Variants in ITPR2 observed in about 807,000 individuals in gnomAD.
ITPR2 encodes inositol 1,4,5-trisphosphate receptor type 2, also known as inositol 1,4,5-trisphosphate-gated calcium channel ITPR2.
ITPR2 carries 207 observed loss-of-function variants against 317.1 expected under a neutral mutation model. That is an observed-to-expected ratio of 0.65 (90% CI 0.58 to 0.73). The LOEUF is 0.73. Among genes scored for constraint, ITPR2 ranks in the 30% least tolerant of loss-of-function variants. The pLI is 0.00. For missense variants in ITPR2, 2,613 were observed against 3,284.0 expected (o/e 0.80, Z 4.99); for synonymous variants, 1,156 against 1,149.1 (o/e 1.01, Z -0.12).
intron 2 of ITPR2, among the ~76,000 whole-genome samples, chr12:26,754,424 G>T (rs1949484818): frequency 6.6e-6 from 1 of 152,174 alleles, no homozygotes; most frequent in East Asian, 1.9e-4. Context: ...TCCACGCATG[G>T]TACATAATTA....
At chr12:26,754,362 C>G (rs1949483883) in intron 2 of ITPR2, among the ~76,000 whole-genome samples, 1 of 152,198 alleles carries the variant, frequency 6.6e-6, no homozygotes, top group South Asian at 2.1e-4. Flanking sequence ...CACCCCCTAA[C>G]TATGCTGGAA....
chr12:26,599,266 T>C lies in ITPR2; in HGVS notation c.3881A>G (p.Gln1294Arg). 1 of 1,614,130 alleles carries C rather than the reference T, an allele frequency of 6.2e-7. No homozygotes were observed. Among genetic ancestry groups the C allele is most frequent in the South Asian group, 1.1e-5 (1 of 91,078 alleles). ...LCNEISERVV[Q>R]HFVHCIETHG... ...TGTCTCAATGCAGTGCACAAAGTGTTGTACAACTCTCTCGCTAATTTCGTT... is the reference window on the plus strand; with the variant it reads ...TGTCTCAATGCAGTGCACAAAGTGTCGTACAACTCTCTCGCTAATTTCGTT... The change falls in exon 30 of 57, where the codon CAA (glutamine) becomes CGA (arginine). Residue 1294 changes from glutamine (Q) to arginine (R), a missense_variant. Physicochemically the swap from Gln to Arg is conservative, Grantham distance 43 (BLOSUM62 1). This residue lies in a region of ITPR2 where 817 missense variants were observed against 897.6 expected (regional missense o/e 0.91). Coordinates refer to ENST00000381340, the MANE Select transcript of ITPR2 (RefSeq NM_002223.4).
At chr12:26,623,607 G>A (rs1381458660) in intron 24 of ITPR2, among the ~76,000 whole-genome samples, 1 of 152,156 alleles carries the variant, frequency 6.6e-6, no homozygotes, top group African/African-American at 2.4e-5. Flanking sequence ...GGCATCCACT[G>A]GGGGTCTTGG....
chr12:26,607,998 G>A (rs2136764319), intron 26 of ITPR2, among the ~76,000 whole-genome samples: 1 of 152,278 alleles, frequency 6.6e-6, no homozygotes, highest in Admixed American at 6.5e-5. Flanking sequence ...GCGGGCACCT[G>A]TAGTCCCGGC....
intron 2 of ITPR2, among the ~76,000 whole-genome samples, chr12:26,758,985 T>C (rs944882237): frequency 6.6e-6 from 1 of 152,196 alleles, no homozygotes; most frequent in Non-Finnish European, 1.5e-5. Context: ...ACTTAAACCT[T>C]CTGGACATCA....
intron 43 of ITPR2, among the ~76,000 whole-genome samples, chr12:26,479,637 A>G (rs921031864): frequency 1.3e-5 from 2 of 152,356 alleles, no homozygotes; most frequent in East Asian, 3.9e-4. Context: ...GGTTTCATTA[A>G]CTGAAACATG....
At chr12:26,424,757 T>TTTTTG (rs954889639) in intron 49 of ITPR2, among the ~76,000 whole-genome samples, 4 of 151,520 alleles carry the variant, frequency 2.6e-5, no homozygotes, top group Non-Finnish European at 4.4e-5. Context: ...GACCAGCTAA[T>TTTTTG]TTTTGTTTTG....
In ITPR2 at chr12:26,459,597, A is replaced by T. The variant is rs529144893; in HGVS notation, c.6342+15699T>A. 3.5e-3 allele frequency among the ~76,000 whole-genome samples: 527 copies of T among 151,968 alleles called. 1 individual carries two copies. The highest frequency in any genetic ancestry group is 0.012 in the African/African-American group (502 of 41,428). Reference sequence around the variant, plus strand: ...CCTTTGGCCCCACCCTCTTTTGTGAATCTCTCTCCTCTCTTGCTTTTATAT... The same window carrying T: ...CCTTTGGCCCCACCCTCTTTTGTGATTCTCTCTCCTCTCTTGCTTTTATAT... On this transcript the variant is annotated intron_variant, in intron 45 of 56. Coordinates refer to ENST00000381340, the MANE Select transcript of ITPR2 (RefSeq NM_002223.4).
At chr12:26,557,083 T>C (rs1296056317) in intron 35 of ITPR2, among the ~76,000 whole-genome samples, 2 of 150,492 alleles carry the variant, frequency 1.3e-5, no homozygotes, top group African/African-American at 4.9e-5. Context: ...TGTCTCAAAT[T>C]GAAAAAAAAA....
intron 34 of ITPR2, among the ~76,000 whole-genome samples, chr12:26,576,699 C>T (rs1275333299): frequency 1.3e-5 from 2 of 152,154 alleles, no homozygotes; most frequent in Admixed American, 1.3e-4. Flanking sequence ...GGAGTGTATC[C>T]ATGCAAAGGA....
chr12:26,513,507 C>T (rs965609942), intron 37 of ITPR2, among the ~76,000 whole-genome samples: 10 of 151,982 alleles, frequency 6.6e-5, no homozygotes, highest in African/African-American at 2.4e-4. Context: ...CTGGGCAGCT[C>T]CAGCTGTTAC....
intron 49 of ITPR2, among the ~76,000 whole-genome samples, chr12:26,427,137 T>C (rs1474127156): frequency 6.6e-6 from 1 of 152,096 alleles, no homozygotes; most frequent in Non-Finnish European, 1.5e-5. Context: ...TGTAGGACAT[T>C]ATGTTAGAAA....
intron 21 of ITPR2, among the ~76,000 whole-genome samples, chr12:26,652,248 C>G (rs1320829953): frequency 6.6e-6 from 1 of 152,212 alleles, no homozygotes; most frequent in Non-Finnish European, 1.5e-5. Context: ...TTTCTACTTA[C>G]AGTAACTAGC....
At chr12:26,365,155 T>C (rs1231097493) in intron 55 of ITPR2, among the ~76,000 whole-genome samples, 1 of 152,184 alleles carries the variant, frequency 6.6e-6, no homozygotes, top group Non-Finnish European at 1.5e-5. Context: ...AAGGTTAAAC[T>C]GGAAACTCTA....
At chr12:26,544,348 T>A (rs1318290948) in intron 37 of ITPR2, among the ~76,000 whole-genome samples, 1 of 152,188 alleles carries the variant, frequency 6.6e-6, no homozygotes, top group Non-Finnish European at 1.5e-5. Flanking sequence ...AATTATAAGC[T>A]TTTAATAAAT....
chr12:26,772,113 G>A (rs1014502369), intron 2 of ITPR2, among the ~76,000 whole-genome samples: 3 of 151,752 alleles, frequency 2.0e-5, no homozygotes, highest in Admixed American at 1.3e-4. Flanking sequence ...TATTATACTC[G>A]AAAGAATACT....
At chr12:26,462,747 C>T (rs965931878) in intron 45 of ITPR2, among the ~76,000 whole-genome samples, 8 of 151,158 alleles carry the variant, frequency 5.3e-5, no homozygotes, top group African/African-American at 1.5e-4. Context: ...TCCCAGCTCA[C>T]GGCAACCTCC....
At chr12:26,524,090 A>G (rs1943742394) in intron 37 of ITPR2, among the ~76,000 whole-genome samples, 1 of 152,246 alleles carries the variant, frequency 6.6e-6, no homozygotes, top group Non-Finnish European at 1.5e-5. Flanking sequence ...ACAGTACACA[A>G]GATTATAACG....
intron 2 of ITPR2, among the ~76,000 whole-genome samples, chr12:26,733,157 T>C (rs1949053674): frequency 6.6e-6 from 1 of 151,288 alleles, no homozygotes; most frequent in African/African-American, 2.4e-5. Flanking sequence ...CTACTAAAAA[T>C]ACAAAAATTA....
Sources: allele counts gnomAD v4.1 joint callset (sites outside exome capture counted in the v4.1 genomes callset), GRCh38; gene constraint gnomAD v4.1.1; regional missense constraint gnomAD v4.1.1; transcripts MANE v1.5; gene names NCBI Gene and HGNC (gene_info 2026-07-23, HGNC 2026-07-21).